FAM171A1: variants seen among roughly 807,000 people sequenced by gnomAD.
The protein encoded by FAM171A1 is family with sequence similarity 171 member A1.
FAM171A1 carries 23 observed loss-of-function variants against 74.9 expected under a neutral mutation model. The observed-to-expected ratio is 0.31, with a 90% CI of 0.22 to 0.44. The LOEUF (loss-of-function observed/expected upper bound fraction) is 0.44. Among genes scored for constraint, FAM171A1 ranks in the 20% least tolerant of loss-of-function variants. The probability of loss-of-function intolerance (pLI) is 1.00; values close to 1 mark genes in which losing one functional copy is unlikely to be tolerated. For synonymous variants in FAM171A1, 527 were observed against 505.7 expected (o/e 1.04, Z -0.57); for missense variants, 1,162 against 1,159.2 (o/e 1.00, Z -0.03).
intron 3 of FAM171A1, among the ~76,000 whole-genome samples, chr10:15,264,281 C>A (rs962973354): frequency 3.9e-5 from 6 of 152,122 alleles, no homozygotes; most frequent in African/African-American, 1.4e-4. Context: ...TGTGCCTGGC[C>A]CAGGCTTTCT....
intron 4 of FAM171A1, among the ~76,000 whole-genome samples, chr10:15,249,504 A>G (rs1834481682): frequency 6.6e-6 from 1 of 152,254 alleles, no homozygotes; most frequent in African/African-American, 2.4e-5. Flanking sequence ...ATCACCGGAA[A>G]TAACTTTTAC....
chr10:15,250,934 G>A (rs1834499630), intron 4 of FAM171A1, among the ~76,000 whole-genome samples: 2 of 152,132 alleles, frequency 1.3e-5, no homozygotes, highest in South Asian at 4.2e-4. Context: ...GAGGAGAAAA[G>A]CCCTAGAAAT....
At chr10:15,227,822 AG>A (rs1267626475) in intron 5 of FAM171A1, among the ~76,000 whole-genome samples, 1 of 152,232 alleles carries the variant, frequency 6.6e-6, no homozygotes, top group Non-Finnish European at 1.5e-5. Flanking sequence ...CTGGGTGTAA[AG>A]CATCATGCAT....
At chr10:15,308,434 C>G (rs1835322220) in intron 1 of FAM171A1, among the ~76,000 whole-genome samples, 1 of 152,180 alleles carries the variant, frequency 6.6e-6, no homozygotes, top group African/African-American at 2.4e-5. Flanking sequence ...TACCGAACAG[C>G]TCGGACATCT....
chr10:15,264,784 A>C (rs1185523304), intron 3 of FAM171A1, among the ~76,000 whole-genome samples: 1 of 152,184 alleles, frequency 6.6e-6, no homozygotes, highest in East Asian at 1.9e-4. Context: ...TGTCTCTTAA[A>C]AAAAATAAAT....
intron 1 of FAM171A1, among the ~76,000 whole-genome samples, chr10:15,365,732 T>C (rs576794386): frequency 2.0e-5 from 3 of 147,808 alleles, no homozygotes; most frequent in African/African-American, 5.0e-5. Context: ...ATTGCACCAC[T>C]GCACTCCAGC....
intron 1 of FAM171A1, among the ~76,000 whole-genome samples, chr10:15,344,768 T>C (rs1378845539): frequency 6.6e-6 from 1 of 152,248 alleles, no homozygotes; most frequent in Non-Finnish European, 1.5e-5. Flanking sequence ...GTTTCAGACT[T>C]TGTTACTTTG....
chr10:15,276,839 T>G (rs548325627), intron 2 of FAM171A1, among the ~76,000 whole-genome samples: 1 of 152,252 alleles, frequency 6.6e-6, no homozygotes, highest in African/African-American at 2.4e-5. Context: ...TGTGCACCAC[T>G]GCACCCAGCT....
intron 1 of FAM171A1, among the ~76,000 whole-genome samples, chr10:15,312,703 T>G (rs1323867162): frequency 1.0e-5 from 1 of 96,138 alleles, no homozygotes; most frequent in Non-Finnish European, 2.1e-5. Flanking sequence ...TTTTTTTTTT[T>G]TTTTTTTTTT....
chr10:15,290,403 T>C (rs1835089364), intron 1 of FAM171A1, among the ~76,000 whole-genome samples: 1 of 152,190 alleles, frequency 6.6e-6, no homozygotes, highest in African/African-American at 2.4e-5. Flanking sequence ...ATTCCTCTTT[T>C]TCCTTTAAAA....
intron 2 of FAM171A1, 99 bp downstream of exon 2, chr10:15,283,779 C>T (rs1834999312): frequency 1.7e-6 from 2 of 1,172,376 alleles, no homozygotes; most frequent in Admixed American, 2.0e-5. Context: ...GAGATGCAGT[C>T]TCACTATGTT....
At chr10:15,277,084 A>G (rs1161802019) in intron 2 of FAM171A1, among the ~76,000 whole-genome samples, 1 of 152,256 alleles carries the variant, frequency 6.6e-6, no homozygotes, top group South Asian at 2.1e-4. Context: ...TTTAAGAGAA[A>G]AACAAATAAA....
Position 15,288,160 on chromosome 10 carries a change from T to C in FAM171A1, c.98-4055A>G, listed in dbSNP as rs577582113. ...ATACCACATTTTCTTTATCCACTCA[T>C]TGACTGACGGGCATTTGGGCTGGTT... On this transcript the variant is annotated intron_variant, in intron 1 of 7. Transcript: ENST00000378116. Among the ~76,000 whole-genome samples the C allele has an allele frequency of 1.1e-4, 16 of 152,350 alleles. 1 individual carries two copies. Among genetic ancestry groups the C allele is most frequent in the African/African-American group, 3.4e-4 (14 of 41,572 alleles).
At chr10:15,276,272 C>T (rs1369337798) in intron 2 of FAM171A1, among the ~76,000 whole-genome samples, 4 of 152,070 alleles carry the variant, frequency 2.6e-5, no homozygotes, top group African/African-American at 9.7e-5. Context: ...CCTCCGCCTC[C>T]CAGGTTCAAG....
At chr10:15,282,611 G>C (rs934187596) in intron 2 of FAM171A1, among the ~76,000 whole-genome samples, 13 of 152,216 alleles carry the variant, frequency 8.5e-5, no homozygotes, top group Non-Finnish European at 1.6e-4. Context: ...TTGTGTAGCT[G>C]TTCTCCTGAA....
intron 5 of FAM171A1, among the ~76,000 whole-genome samples, chr10:15,244,118 C>G (rs1834400343): frequency 6.6e-6 from 1 of 152,178 alleles, no homozygotes; most frequent in Non-Finnish European, 1.5e-5. Context: ...CTGTGGGAAG[C>G]TGAGGTGGGT....
At chr10:15,286,427 C>A (rs1588534189) in intron 1 of FAM171A1, among the ~76,000 whole-genome samples, 2 of 152,106 alleles carry the variant, frequency 1.3e-5, no homozygotes, top group Middle Eastern at 3.4e-3. Flanking sequence ...ATTACAGGTG[C>A]CCGCCACGAT....
At chr10:15,341,679 G>A (rs1303678216) in intron 1 of FAM171A1, among the ~76,000 whole-genome samples, 1 of 152,210 alleles carries the variant, frequency 6.6e-6, no homozygotes, top group Non-Finnish European at 1.5e-5. Flanking sequence ...AACAAGACCA[G>A]CTGTGCCAAA....
intron 1 of FAM171A1, among the ~76,000 whole-genome samples, chr10:15,284,987 T>C (rs971219625): frequency 6.7e-6 from 1 of 149,648 alleles, no homozygotes; most frequent in East Asian, 1.9e-4. Flanking sequence ...GTTAGGAATA[T>C]TGGCAAAAAC....
Sources: allele counts gnomAD v4.1 joint callset (sites outside exome capture counted in the v4.1 genomes callset), GRCh38; gene constraint gnomAD v4.1.1; transcripts MANE v1.5; gene names NCBI Gene and HGNC (gene_info 2026-07-23, HGNC 2026-07-21).